The following HSF1 variants were observed in gnomAD, a reference collection of about 807,000 sequenced individuals.
The protein encoded by HSF1 is heat shock factor protein 1.
A neutral mutation model predicts 51.7 loss-of-function variants in HSF1; 32 were observed. That is an observed-to-expected ratio of 0.62 (90% confidence interval 0.47 to 0.83). HSF1 has a LOEUF of 0.83. HSF1 is among the 40% of genes least tolerant of loss of function. The pLI is 0.00. For synonymous variants in HSF1, 396 were observed against 309.7 expected (o/e 1.28, Z -2.92); for missense variants, 727 against 717.0 (o/e 1.01, Z -0.16).
chr8:144,311,481 G>A, intron 6 of HSF1, 24 bp from the exon 7 acceptor site: 1 of 1,612,928 alleles, frequency 6.2e-7, no homozygotes. Context: ...GGGGGTGGTG[G>A]CTGACCTGCA....
Position 144,313,550 on chromosome 8 carries a change from C to T in HSF1, c.1182C>T (p.Asn394=), listed in dbSNP as rs782755080. The T allele has an allele frequency of 3.7e-6, 6 of 1,612,218 alleles. No homozygotes were observed. Among genetic ancestry groups the T allele is most frequent in the South Asian group, 2.2e-5 (2 of 91,078 alleles). ...LSDHLDAMDS[N]LDNLQTMLSS... Reference sequence around the variant, plus strand: ...ACCACTTGGATGCTATGGACTCCAACCTGGATAACCTGCAGACCATGCTGA... The same window carrying T: ...ACCACTTGGATGCTATGGACTCCAATCTGGATAACCTGCAGACCATGCTGA... The change falls in exon 10 of 13, where the codon AAC becomes AAT. Residue 394 remains asparagine (N), a synonymous_variant. Transcript: ENST00000528838.
chr8:144,314,403 G>C lies in HSF1; in HGVS notation c.*73G>C. 1 of 1,375,372 alleles carries C rather than the reference G, an allele frequency of 7.3e-7. No individual in the cohort carries two copies. The highest frequency in any genetic ancestry group is 1.0e-6 in the Non-Finnish European group (1 of 1,001,558). The allele number at this position is 1,375,372 out of a possible 1,614,324, so 85.2% of individuals were successfully genotyped here. A position where few individuals can be genotyped will look rare whatever the true frequency, so the allele number is the denominator to read the frequency against. On this transcript the variant is annotated 3_prime_UTR_variant, in exon 13 of 13. Transcript: ENST00000528838. ...GGGCTGGTCTTGGGGAGGCAGGGCAGCCTCGCGGTCTTGGGCACTGGTGGG... is the reference window on the plus strand; with the variant it reads ...GGGCTGGTCTTGGGGAGGCAGGGCACCCTCGCGGTCTTGGGCACTGGTGGG...
chr8:144,310,249 T>A, intron 4 of HSF1: 1 of 225,106 alleles, frequency 4.4e-6, no homozygotes, highest in Non-Finnish European at 8.9e-6. Context: ...GCCTCGGGCC[T>A]GGGGTCAGAC....
rs1386399329 is a variant in HSF1 at position 144,311,954 on chromosome 8, C to T, written c.861-9C>T. 6.3e-6 allele frequency: 10 copies of T among 1,579,260 alleles called. No individual in the cohort carries two copies. In the East Asian group the frequency reaches 6.9e-5, roughly 11 times the overall value. ...AGACGCCAGCTCACCTGGCCCCCCTCGTGTGCAGGCCCCTATCCAGCAGCC... is the reference window on the plus strand; with the variant it reads ...AGACGCCAGCTCACCTGGCCCCCCTTGTGTGCAGGCCCCTATCCAGCAGCC... On this transcript the variant is annotated splice_polypyrimidine_tract_variant and intron_variant, in intron 8 of 12. Coordinates refer to ENST00000528838, the MANE Select transcript of HSF1 (RefSeq NM_005526.4).
At chr8:144,313,183 G>A (rs932806193) in intron 9 of HSF1, 28 of 402,246 alleles carry the variant, frequency 7.0e-5, no homozygotes, top group African/African-American at 5.2e-4. Context: ...CAGTGCAACG[G>A]GAAACCTCAC....
At chr8:144,303,998 T>C (rs191934067) in intron 1 of HSF1, among the ~76,000 whole-genome samples, 57 of 152,334 alleles carry the variant, frequency 3.7e-4, no homozygotes, top group Non-Finnish European at 3.4e-4. Flanking sequence ...TCTCTGAGGC[T>C]TGGGCAAGGT....
At chr8:144,293,545 A>G (rs1246002711) in intron 1 of HSF1, 12 of 151,076 alleles carry the variant, frequency 7.9e-5, no homozygotes, top group African/African-American at 2.4e-4. Context: ...GGTTCAAGCA[A>G]TTCTGCCTCA....
rs1319952154 is a variant in HSF1, at chr8:144,312,831, C to T, written c.1142+587C>T. 25 of 864,974 alleles carry T rather than the reference C, an allele frequency of 2.9e-5. No homozygotes were observed. The East Asian group carries it at 3.2e-4, about 11-fold the overall frequency. 53.6% of individuals were successfully genotyped at this position (864,974 alleles called of 1,614,324 possible). ...AGCGTCGGGCCTGGGCGGCAGCAGCCGAGACCCCTCTGTGGCGGGGGCTCA... is the reference window on the plus strand; with the variant it reads ...AGCGTCGGGCCTGGGCGGCAGCAGCTGAGACCCCTCTGTGGCGGGGGCTCA... On this transcript the variant is annotated intron_variant, in intron 9 of 12. Coordinates refer to ENST00000528838, the MANE Select transcript of HSF1 (RefSeq NM_005526.4).
chr8:144,299,642 G>T (rs1427918761), intron 1 of HSF1, among the ~76,000 whole-genome samples: 1 of 152,074 alleles, frequency 6.6e-6, no homozygotes, highest in South Asian at 2.1e-4. Flanking sequence ...GGGCGTGGTG[G>T]CTCACACCTG....
chr8:144,303,011 C>T (rs1206801523), intron 1 of HSF1, among the ~76,000 whole-genome samples: 1 of 152,050 alleles, frequency 6.6e-6, no homozygotes, highest in Admixed American at 6.5e-5. Context: ...GGAACTCACC[C>T]GTGCTGCTGA....
intron 1 of HSF1, among the ~76,000 whole-genome samples, chr8:144,301,693 C>T (rs1349524173): frequency 1.1e-4 from 16 of 151,460 alleles, no homozygotes; most frequent in East Asian, 5.9e-4. Flanking sequence ...AGTGAAACCC[C>T]GTCTCTATTG....
chr8:144,313,090 C>G (rs1554845369), intron 9 of HSF1: 1 of 398,370 alleles, frequency 2.5e-6, no homozygotes, highest in Non-Finnish European at 4.7e-6. Context: ...TCACAGCCAC[C>G]AGACCGTGGG....
In HSF1 at chr8:144,313,634, G is replaced by GTCCCGCCTCCCCGCGCCT. The variant is rs1816857084; in HGVS notation, c.1248+18_1248+19insTCCCGCCTCCCCGCGCCT. ...TGCTGGACGTGAGTGGAGCCCCGCC[G>GTCCCGCCTCCCCGCGCCT]CCCCGCCTCCCCGCCCCGCCTCCCC... On this transcript the variant is annotated intron_variant, in intron 10 of 12. Coordinates refer to ENST00000528838, the MANE Select transcript of HSF1 (RefSeq NM_005526.4). 2.6e-5 allele frequency: 15 copies of GTCCCGCCTCCCCGCGCCT among 568,154 alleles called. No individual in the cohort carries two copies. The African/African-American group carries it at 4.8e-4, about 18-fold the overall frequency. 35.2% of individuals were successfully genotyped at this position (568,154 alleles called of 1,614,324 possible). A position where few individuals can be genotyped will look rare whatever the true frequency, so the allele number is the denominator to read the frequency against.
Position 144,293,903 on chromosome 8 carries a change from G to A in HSF1, c.117+2029G>A, listed in dbSNP as rs557919750. 2.0e-5 allele frequency among the ~76,000 whole-genome samples: 3 copies of A among 151,498 alleles called. 1 individual carries two copies. In the South Asian group the frequency reaches 6.3e-4, roughly 32 times the overall value. ...GCTGTTTCTGCTTAAAGATTATGAG[G>A]CATGTGGGTTAGGGCCCAGTGTACC... On this transcript the variant is annotated intron_variant, in intron 1 of 12. Coordinates refer to ENST00000528838, the MANE Select transcript of HSF1 (RefSeq NM_005526.4).
At chr8:144,303,261 G>T (rs1269961640) in intron 1 of HSF1, among the ~76,000 whole-genome samples, 7 of 152,132 alleles carry the variant, frequency 4.6e-5, no homozygotes, top group African/African-American at 1.7e-4. Flanking sequence ...GGTCAGTCAG[G>T]GTTGTTCTGG....
intron 1 of HSF1, among the ~76,000 whole-genome samples, chr8:144,299,943 T>C (rs1291075571): frequency 6.6e-6 from 1 of 152,008 alleles, no homozygotes; most frequent in Non-Finnish European, 1.5e-5. Context: ...AAATGGAAGA[T>C]ACAGAAAAGA....
At chr8:144,301,784 G>A (rs1815898176) in intron 1 of HSF1, among the ~76,000 whole-genome samples, 1 of 151,806 alleles carries the variant, frequency 6.6e-6, no homozygotes, top group Non-Finnish European at 1.5e-5. Flanking sequence ...AGAATGGCGT[G>A]AACCCGGGAG....
chr8:144,313,081 C>A, intron 9 of HSF1: 1 of 401,906 alleles, frequency 2.5e-6, no homozygotes, highest in East Asian at 4.9e-5. Flanking sequence ...CTTTCTTGGT[C>A]ACAGCCACCA....
At position 144,309,564 on chromosome 8, in the gene HSF1, T is replaced by C; in HGVS notation, c.336T>C (p.Leu112=). ...PCFLRGQEQL[L]ENIKRKVTSV... The stretch of plus-strand genomic sequence containing the variant: ...TCCTGCGTGGCCAGGAGCAGCTCCT[T>C]GAGAACATCAAGAGGAAAGTGACCA... Residue 112 remains leucine, a synonymous_variant, in exon 3 of 13, where the codon CTT becomes CTC. Transcript: ENST00000528838. 6.2e-7 allele frequency: 1 copy of C among 1,613,670 alleles called. No homozygotes were observed.
Sources: allele counts gnomAD v4.1 joint callset (sites outside exome capture counted in the v4.1 genomes callset), GRCh38; gene constraint gnomAD v4.1.1; transcripts MANE v1.5; gene names NCBI Gene and HGNC (gene_info 2026-07-23, HGNC 2026-07-21).